The following ABTB2 variants were observed in gnomAD, a reference collection of about 807,000 sequenced individuals.
ABTB2 encodes the protein ankyrin repeat and BTB domain containing 2, also known as ankyrin repeat and BTB/POZ domain-containing protein 2.
A neutral mutation model predicts 104.1 loss-of-function variants in ABTB2; 56 were observed. The observed-to-expected ratio is 0.54, with a 90% CI of 0.43 to 0.67. The LOEUF (loss-of-function observed/expected upper bound fraction) is 0.67, where lower values mean the gene tolerates loss of function less well. Ranked by LOEUF, ABTB2 falls within the 30% of genes least tolerant of loss-of-function variation. ABTB2 has a pLI of 0.00. For missense variants in ABTB2, 1,279 were observed against 1,407.7 expected (o/e 0.91, Z 1.46); for synonymous variants, 606 against 608.2 (o/e 1.00, Z 0.05).
rs529274586 is a variant in ABTB2, at chr11:34,157,705, C to T, written c.2697+1591G>A. ...CCAGACCCTGGGCCTCCCCTCCTCC[C>T]ACATCCGTCAGTTACCAAGTTCCAA... On this transcript the variant is annotated intron_variant, in intron 14 of 16. Transcript: ENST00000435224. 2.0e-5 allele frequency among the ~76,000 whole-genome samples: 3 copies of T among 152,330 alleles called. No individual in the cohort carries two copies. In the South Asian group the frequency reaches 6.2e-4, roughly 32 times the overall value.
intron 1 of ABTB2, among the ~76,000 whole-genome samples, chr11:34,215,672 T>C (rs762140632): frequency 6.6e-6 from 1 of 152,238 alleles, no homozygotes; most frequent in Non-Finnish European, 1.5e-5. Context: ...AATTTGTTTC[T>C]CTGGATAATA....
intron 1 of ABTB2, among the ~76,000 whole-genome samples, chr11:34,344,025 A>AT (rs1476591506): frequency 6.6e-6 from 1 of 152,094 alleles, no homozygotes; most frequent in South Asian, 2.1e-4. Context: ...AGGCGGTTGG[A>AT]TACTCCCAAA....
intron 6 of ABTB2, 21 bp downstream of exon 6, chr11:34,167,882 A>T (rs765282600): frequency 1.1e-5 from 18 of 1,613,274 alleles, no homozygotes; most frequent in Middle Eastern, 1.6e-4. Flanking sequence ...GCCTGGGTGC[A>T]GCTCTGTGGG....
At chr11:34,315,770 A>G (rs1031088993) in intron 1 of ABTB2, among the ~76,000 whole-genome samples, 2 of 152,166 alleles carry the variant, frequency 1.3e-5, no homozygotes, top group African/African-American at 4.8e-5. Context: ...CCTATCAGAA[A>G]TGACACGAGC....
intron 1 of ABTB2, among the ~76,000 whole-genome samples, chr11:34,312,904 G>A (rs753765165): frequency 2.0e-5 from 3 of 152,154 alleles, no homozygotes; most frequent in Admixed American, 6.5e-5. Context: ...CTCAGAAGGG[G>A]TAACTTGTGT....
intron 1 of ABTB2, among the ~76,000 whole-genome samples, chr11:34,273,445 G>A (rs1854343814): frequency 6.6e-6 from 1 of 152,172 alleles, no homozygotes; most frequent in Non-Finnish European, 1.5e-5. Flanking sequence ...GGATGCAGAA[G>A]GGATACAGTG....
intron 1 of ABTB2, among the ~76,000 whole-genome samples, chr11:34,231,531 C>A (rs1445420300): frequency 2.6e-5 from 4 of 152,148 alleles, no homozygotes. Flanking sequence ...AGGTTAACAT[C>A]ATCAGTGACA....
At chr11:34,185,120 A>G (rs1853080712) in intron 3 of ABTB2, among the ~76,000 whole-genome samples, 1 of 152,242 alleles carries the variant, frequency 6.6e-6, no homozygotes, top group African/African-American at 2.4e-5. Context: ...CACAGCACTC[A>G]CCTTCCCCAA....
At chr11:34,314,924 G>C (rs569726659) in intron 1 of ABTB2, among the ~76,000 whole-genome samples, 243 of 152,294 alleles carry the variant, frequency 1.6e-3, no homozygotes, top group African/African-American at 5.8e-3. Context: ...GCACTTACAA[G>C]GTACAGTCAG....
chr11:34,171,923 G>A (rs1023806356), intron 4 of ABTB2, among the ~76,000 whole-genome samples: 1 of 152,186 alleles, frequency 6.6e-6, no homozygotes, highest in Non-Finnish European at 1.5e-5. Flanking sequence ...GATAATGCCT[G>A]TGTTATAGGG....
Position 34,154,377 on chromosome 11 carries a change from A to G in ABTB2, c.2768T>C (p.Leu923Pro). 1 of 1,610,490 alleles carries G rather than the reference A, an allele frequency of 6.2e-7. No homozygotes were observed. The highest frequency in any genetic ancestry group is 8.5e-7 in the Non-Finnish European group (1 of 1,178,106). The change falls in exon 16 of 17, where the codon CTG (leucine) becomes CCG (proline). Residue 923 changes from leucine to proline, a missense_variant and splice_region_variant. Leu to Pro is a moderately conservative substitution (Grantham distance 98, BLOSUM62 -3). Transcript: ENST00000435224. This position sits in a 1 kb window ranked among gnomAD's most constrained non-coding sequence, Gnocchi z 4.9. ...CTGGAACAGGCTGGCAGCTGACAGC[A>G]GCTGGTAGGGAGGCAGAGCAGGTCT... Reference protein sequence around the residue: ...MEIPTTDILELLSAASLFQLD... With the variant: ...MEIPTTDILEPLSAASLFQLD...
chr11:34,267,694 A>G (rs2755168), intron 1 of ABTB2, among the ~76,000 whole-genome samples: 38,159 of 152,072 alleles, frequency 0.25, 7,403 homozygotes, highest in African/African-American at 0.53. Flanking sequence ...TTACACAAGG[A>G]CTTGGCCAAC....
chr11:34,193,762 C>A (rs1853212238), intron 3 of ABTB2, among the ~76,000 whole-genome samples: 1 of 152,226 alleles, frequency 6.6e-6, no homozygotes. Context: ...CCTCTGAGCC[C>A]AGGCCTCTGC....
intron 1 of ABTB2, among the ~76,000 whole-genome samples, chr11:34,216,699 C>T (rs1274202845): frequency 6.6e-6 from 1 of 152,154 alleles, no homozygotes; most frequent in Non-Finnish European, 1.5e-5. Context: ...TTGTAGTGAG[C>T]TGAGATTGTG....
intron 3 of ABTB2, among the ~76,000 whole-genome samples, chr11:34,191,650 C>T (rs1853178446): frequency 6.6e-6 from 1 of 152,176 alleles, no homozygotes; most frequent in African/African-American, 2.4e-5. Flanking sequence ...GGACCCTCTG[C>T]TGCCCTTATT....
intron 1 of ABTB2, among the ~76,000 whole-genome samples, chr11:34,325,806 C>G (rs1855062365): frequency 6.6e-6 from 1 of 151,912 alleles, no homozygotes; most frequent in Non-Finnish European, 1.5e-5. Context: ...CAAAAATTAG[C>G]CAGGTGTGGT....
rs867474343 is a variant in ABTB2, at chr11:34,213,472, C to T, written c.884-8782G>A. Among the ~76,000 whole-genome samples, 7 of 152,122 alleles carry T rather than the reference C, an allele frequency of 4.6e-5. No homozygotes were observed. The East Asian group carries it at 1.3e-3, about 29-fold the overall frequency. On this transcript the variant is annotated intron_variant, in intron 1 of 16. Coordinates refer to ENST00000435224, the MANE Select transcript of ABTB2 (RefSeq NM_145804.3). ...CTCCAGCCTGGGCAAGAGAGCGAGA[C>T]GCCATCTCAAAAACAAACAAACAAA...
At chr11:34,288,180 A>G (rs1263391700) in intron 1 of ABTB2, among the ~76,000 whole-genome samples, 1 of 152,216 alleles carries the variant, frequency 6.6e-6, no homozygotes, top group East Asian at 1.9e-4. Flanking sequence ...TTCTTTTCAC[A>G]TACTCCAGAA....
At chr11:34,335,968 A>G in intron 1 of ABTB2, 1 of 610,750 alleles carries the variant, frequency 1.6e-6, no homozygotes, top group South Asian at 2.0e-5. Flanking sequence ...GAGATAGGAA[A>G]ACAGTCTGGC....
Sources: allele counts gnomAD v4.1 joint callset (sites outside exome capture counted in the v4.1 genomes callset), GRCh38; gene constraint gnomAD v4.1.1; non-coding constraint Gnocchi (gnomAD v3.1); transcripts MANE v1.5; gene names NCBI Gene and HGNC (gene_info 2026-07-23, HGNC 2026-07-21).